The following RFTN1 variants were observed in gnomAD, a reference collection of about 807,000 sequenced individuals.
RFTN1 encodes raftlin.
RFTN1 carries 26 observed loss-of-function variants against 46.5 expected under a neutral mutation model. The observed-to-expected ratio is 0.56, with a 90% CI of 0.41 to 0.78. The LOEUF (loss-of-function observed/expected upper bound fraction) is 0.78. Among genes scored for constraint, RFTN1 ranks in the 30% least tolerant of loss-of-function variants. The probability of loss-of-function intolerance (pLI) is 0.00; values close to 1 mark genes in which losing one functional copy is unlikely to be tolerated. For missense variants in RFTN1, 693 were observed against 718.7 expected, an observed-to-expected ratio of 0.96 and a Z score of 0.41; for synonymous variants, 261 against 284.2, an observed-to-expected ratio of 0.92 and a Z score of 0.82.
chr3:16,485,762 G>A (rs1004435004), intron 2 of RFTN1, among the ~76,000 whole-genome samples: 1 of 152,158 alleles, frequency 6.6e-6, no homozygotes, highest in African/African-American at 2.4e-5. Context: ...TGTGTTTCAT[G>A]GTATTTAAAT....
chr3:16,414,295 G>GAAA (rs199935896), intron 3 of RFTN1, among the ~76,000 whole-genome samples: 1 of 125,102 alleles, frequency 8.0e-6, no homozygotes, highest in Non-Finnish European at 1.7e-5. Flanking sequence ...GGGAAGTCTT[G>GAAA]AAAAAAAAAA....
chr3:16,324,196 T>C (rs2069415275), intron 8 of RFTN1, among the ~76,000 whole-genome samples: 1 of 152,192 alleles, frequency 6.6e-6, no homozygotes, highest in African/African-American at 2.4e-5. Flanking sequence ...GGGTAGAGTG[T>C]GATGTTTTGA....
Position 16,506,014 on chromosome 3 carries a change from G to A in RFTN1, c.-9+7428C>T, listed in dbSNP as rs750112114. On this transcript the variant is annotated intron_variant, in intron 1 of 9. Transcript: ENST00000334133. This position sits in a 1 kb window ranked among gnomAD's most constrained non-coding sequence, Gnocchi z 4.8. ...CTCATGGACCTTACCTTCAGAAGCC[G>A]AGAAACAGGCAATAGACAAACAAAT... 5.3e-5 allele frequency among the ~76,000 whole-genome samples: 8 copies of A among 152,128 alleles called. No homozygotes were observed. Among genetic ancestry groups the A allele is most frequent in the African/African-American group, 2.4e-5 (1 of 41,392 alleles).
At chr3:16,391,649 A>T (rs762865825) in intron 4 of RFTN1, among the ~76,000 whole-genome samples, 4 of 152,186 alleles carry the variant, frequency 2.6e-5, no homozygotes, top group Non-Finnish European at 5.9e-5. Context: ...GTGGATGAAG[A>T]GCAGAGGGAA....
chr3:16,439,329 T>A (rs1263736343), intron 2 of RFTN1, among the ~76,000 whole-genome samples: 1 of 152,210 alleles, frequency 6.6e-6, no homozygotes, highest in Non-Finnish European at 1.5e-5. Flanking sequence ...AGTTGTAGCC[T>A]GTTGGTCTGT....
At chr3:16,323,868 C>A (rs909911604) in intron 8 of RFTN1, among the ~76,000 whole-genome samples, 2 of 152,206 alleles carry the variant, frequency 1.3e-5, no homozygotes, top group African/African-American at 4.8e-5. Flanking sequence ...TGCTACAGGA[C>A]AGTGGACAGA....
intron 3 of RFTN1, among the ~76,000 whole-genome samples, chr3:16,431,130 A>G (rs879533926): frequency 6.6e-6 from 1 of 152,334 alleles, no homozygotes; most frequent in Middle Eastern, 3.4e-3. Flanking sequence ...AGATCCATCG[A>G]TGTGCCCCTT....
intron 3 of RFTN1, among the ~76,000 whole-genome samples, chr3:16,414,294 T>G: frequency 7.7e-6 from 1 of 129,448 alleles, no homozygotes. Context: ...TGGGAAGTCT[T>G]GAAAAAAAAA....
Position 16,433,787 on chromosome 3 carries a change from C to T in RFTN1, c.332+64G>A. 6.5e-7 allele frequency: 1 copy of T among 1,543,368 alleles called. No individual in the cohort carries two copies. The highest frequency in any genetic ancestry group is 1.4e-5 in the African/African-American group (1 of 73,516). ...CCCCCAACCCCATCCTCTCACTTCC[C>T]CTCCTCTATTGAGCATAACTTAGCC... On this transcript the variant is annotated intron_variant, in intron 3 of 9. Coordinates refer to ENST00000334133, the MANE Select transcript of RFTN1 (RefSeq NM_015150.2). The surrounding 1 kb of genome is among the most constrained non-coding windows in gnomAD (Gnocchi z 4.4).
At chr3:16,364,247 G>T (rs112207497) in intron 6 of RFTN1, among the ~76,000 whole-genome samples, 18 of 152,330 alleles carry the variant, frequency 1.2e-4, no homozygotes, top group African/African-American at 4.1e-4. Flanking sequence ...GAAGCACTCT[G>T]CCAGATGCAG....
Position 16,353,019 on chromosome 3 carries a change from C to G in RFTN1, c.1146+4913G>C, listed in dbSNP as rs914935061. On this transcript the variant is annotated intron_variant, in intron 7 of 9. Coordinates refer to ENST00000334133, the MANE Select transcript of RFTN1 (RefSeq NM_015150.2). This position sits in a 1 kb window ranked among gnomAD's most constrained non-coding sequence, Gnocchi z 5.4. ...GTGGAATTGGAATGGCACATCTACA[C>G]AGAGCTGAGGGATCAGCACAGGAGG... Among the ~76,000 whole-genome samples the G allele has an allele frequency of 2.0e-5, 3 of 152,094 alleles. No individual in the cohort carries two copies. The highest frequency in any genetic ancestry group is 4.4e-5 in the Non-Finnish European group (3 of 68,030).
At position 16,470,560 on chromosome 3, in the gene RFTN1, A is replaced by G. The variant is rs111725834; in HGVS notation, c.145+23165T>C. On this transcript the variant is annotated intron_variant, in intron 2 of 9. Transcript: ENST00000334133. ...GGAGAGAGCCAGAGAAAAGAGCCCCAGATTCTGTGTATAAACTCTGCCCAG... is the reference window on the plus strand; with the variant it reads ...GGAGAGAGCCAGAGAAAAGAGCCCCGGATTCTGTGTATAAACTCTGCCCAG... Among the ~76,000 whole-genome samples, 808 of 152,302 alleles carry G rather than the reference A, an allele frequency of 5.3e-3. 9 individuals are homozygous for G. The highest frequency in any genetic ancestry group is 0.017 in the African/African-American group (699 of 41,554).
At position 16,317,916 on chromosome 3, in the gene RFTN1, C is replaced by G. The variant is rs1275673258; in HGVS notation, c.1333-684G>C. Among the ~76,000 whole-genome samples, 7 of 152,192 alleles carry G rather than the reference C, an allele frequency of 4.6e-5. No homozygotes were observed. The highest frequency in any genetic ancestry group is 3.3e-4 in the Admixed American group (5 of 15,284). On this transcript the variant is annotated intron_variant, in intron 9 of 9. Coordinates refer to ENST00000334133, the MANE Select transcript of RFTN1 (RefSeq NM_015150.2). The surrounding 1 kb of genome is among the most constrained non-coding windows in gnomAD (Gnocchi z 4.3). ...AATGCCATCCCAGCTCCAAGCCAAC[C>G]TGGGGGATTGTGACTGCATCACAGC...
chr3:16,478,307 A>G (rs1342351453), intron 2 of RFTN1, among the ~76,000 whole-genome samples: 1 of 152,216 alleles, frequency 6.6e-6, no homozygotes, highest in Admixed American at 6.5e-5. Flanking sequence ...CCTGAAATAT[A>G]GAGCCCGGGG....
intron 5 of RFTN1, among the ~76,000 whole-genome samples, chr3:16,371,265 C>G (rs1365028743): frequency 1.1e-4 from 16 of 152,208 alleles, no homozygotes; most frequent in Admixed American, 1.0e-3. Context: ...AAGGACAAAG[C>G]ACATTCATGC....
chr3:16,399,961 C>T (rs2074561651), intron 4 of RFTN1, among the ~76,000 whole-genome samples: 1 of 152,204 alleles, frequency 6.6e-6, no homozygotes, highest in East Asian at 1.9e-4. Context: ...GATCTCTTGT[C>T]TATGAAGAGT....
At position 16,353,198 on chromosome 3, in the gene RFTN1, G is replaced by A. The variant is rs957280884; in HGVS notation, c.1146+4734C>T. 2.0e-5 allele frequency among the ~76,000 whole-genome samples: 3 copies of A among 152,122 alleles called. No individual in the cohort carries two copies. The highest frequency in any genetic ancestry group is 1.3e-4 in the Admixed American group (2 of 15,274). On this transcript the variant is annotated intron_variant, in intron 7 of 9. Transcript: ENST00000334133. The surrounding 1 kb of genome is among the most constrained non-coding windows in gnomAD (Gnocchi z 5.4). ...AGCAGAGTTAACTAGAAGCCAAAAG[G>A]GACCTGCTCAGGCCTTAAAAAGGAA...
intron 1 of RFTN1, among the ~76,000 whole-genome samples, chr3:16,501,472 T>C (rs1313728044): frequency 6.6e-6 from 1 of 152,224 alleles, no homozygotes; most frequent in Admixed American, 6.5e-5. Context: ...TATTTTCAAA[T>C]ACAAATTAGC....
chr3:16,375,563 C>T (rs1267676121), intron 5 of RFTN1, among the ~76,000 whole-genome samples: 1 of 145,238 alleles, frequency 6.9e-6, no homozygotes, highest in Non-Finnish European at 1.6e-5. Context: ...GTATGAAAAA[C>T]CCAAAAGCTC....
Sources: gnomAD v4.1 joint callset for allele counts (sites outside exome capture counted in the v4.1 genomes callset) on GRCh38, gnomAD v4.1.1 for gene constraint, Gnocchi (gnomAD v3.1) non-coding constraint, MANE v1.5 for transcripts, NCBI Gene and HGNC (gene_info 2026-07-23, HGNC 2026-07-21) for gene names.